PHYHIP: variants seen among roughly 807,000 people sequenced by gnomAD.
PHYHIP encodes phytanoyl-CoA 2-hydroxylase interacting protein, also known as phytanoyl-CoA hydroxylase-interacting protein.
A neutral mutation model predicts 26.1 loss-of-function variants in PHYHIP; 7 were observed. The ratio of observed to expected loss-of-function variants is 0.27; its 90% CI spans 0.15 to 0.50. The LOEUF (loss-of-function observed/expected upper bound fraction) is 0.50, where lower values mean the gene tolerates loss of function less well. PHYHIP is among the 20% of genes least tolerant of loss of function. The pLI is 0.98. For synonymous variants in PHYHIP, 206 were observed against 183.4 expected, an observed-to-expected ratio of 1.12 and a Z score of -1.00; for missense variants, 232 against 454.7, an observed-to-expected ratio of 0.51 and a Z score of 4.45.
intron 1 of PHYHIP, among the ~76,000 whole-genome samples, chr8:22,230,125 C>T (rs1195833511): frequency 1.3e-5 from 2 of 152,154 alleles, no homozygotes; most frequent in African/African-American, 4.8e-5. Context: ...TTCATGGGGA[C>T]AGGTGTGGAG....
chr8:22,227,612 C>G (rs1241945511), intron 2 of PHYHIP: 1 of 456,324 alleles, frequency 2.2e-6, no homozygotes, highest in East Asian at 7.0e-5. Context: ...TCCCACCCAC[C>G]CCCACACTGG....
chr8:22,227,144 CT>C, intron 2 of PHYHIP, 119 bp from the exon 3 acceptor site: 1 of 866,240 alleles, frequency 1.2e-6, no homozygotes, highest in Non-Finnish European at 1.7e-6. Flanking sequence ...CAGGACCAAT[CT>C]TGAGGATCCA....
At position 22,220,115 on chromosome 8, in the gene PHYHIP, CTGA is replaced by C. The variant is rs1829584261; in HGVS notation, c.*1235_*1237del. 1 of 152,474 alleles carries C rather than the reference CTGA, an allele frequency of 6.6e-6. No individual in the cohort carries two copies. The highest frequency in any genetic ancestry group is 1.5e-5 in the Non-Finnish European group (1 of 68,218). The allele number at this position is 152,474 out of a possible 1,614,324, so 9.4% of individuals were successfully genotyped here. A position where few individuals can be genotyped will look rare whatever the true frequency, so the allele number is the denominator to read the frequency against. ...ACTGTGAGGCTGCACTCTCCTCTGC[CTGA>C]TGTCACCTCCATCATCCCCCAAACA... On this transcript the variant is annotated 3_prime_UTR_variant, in exon 5 of 5. Transcript: ENST00000454243.
intron 2 of PHYHIP, 42 bp from the exon 3 acceptor site, chr8:22,227,067 G>A: frequency 6.4e-7 from 1 of 1,556,922 alleles, no homozygotes; most frequent in Non-Finnish European, 8.7e-7. Context: ...CGTCAAACAG[G>A]GGTTCATGCC....
intron 4 of PHYHIP, 21 bp downstream of exon 4, chr8:22,224,205 G>T (rs758896740): frequency 2.8e-6 from 4 of 1,440,492 alleles, no homozygotes; most frequent in Non-Finnish European, 2.9e-6. Context: ...GGCGGGTCCA[G>T]CCGGGAGCCC....
intron 2 of PHYHIP, 113 bp downstream of exon 2, chr8:22,228,080 G>A: frequency 3.6e-6 from 3 of 836,840 alleles, no homozygotes; most frequent in Non-Finnish European, 5.9e-6. Flanking sequence ...AGGAAGAAGA[G>A]TGTGGATTTT....
At chr8:22,226,716 T>C (rs1225815397) in intron 3 of PHYHIP, 135 bp downstream of exon 3, 6 of 788,486 alleles carry the variant, frequency 7.6e-6, no homozygotes, top group Non-Finnish European at 7.7e-6. Context: ...GCATCTCCCC[T>C]GTGGCCCAAG....
chr8:22,230,451 G>T (rs1468993327), intron 1 of PHYHIP, among the ~76,000 whole-genome samples: 1 of 152,022 alleles, frequency 6.6e-6, no homozygotes, highest in East Asian at 1.9e-4. Flanking sequence ...ACATCCCCCC[G>T]CTAGCTTGGG....
chr8:22,225,471 G>A (rs1453596883), intron 3 of PHYHIP, among the ~76,000 whole-genome samples: 1 of 151,774 alleles, frequency 6.6e-6, no homozygotes, highest in African/African-American at 2.4e-5. Context: ...TCCAACCTGG[G>A]CAACAGAGCA....
In PHYHIP at chr8:22,221,343, C is replaced by G. The variant is rs1366875886; in HGVS notation, c.*10G>C. On this transcript the variant is annotated 3_prime_UTR_variant, in exon 5 of 5. Coordinates refer to ENST00000454243, the MANE Select transcript of PHYHIP (RefSeq NM_014759.5). The surrounding 1 kb of genome is among the most constrained non-coding windows in gnomAD (Gnocchi z 7.9). ...CATCTCTCCCTCGCCCCCCAGCTCC[C>G]CAGGAGTCCCTAGCGGCCCACGCTG... 1 of 1,556,740 alleles carries G rather than the reference C, an allele frequency of 6.4e-7. No homozygotes were observed. The highest frequency in any genetic ancestry group is 8.7e-7 in the Non-Finnish European group (1 of 1,147,530).
intron 3 of PHYHIP, 69 bp from the exon 4 acceptor site, chr8:22,224,412 C>A (rs1328457984): frequency 3.5e-6 from 3 of 862,592 alleles, no homozygotes; most frequent in Non-Finnish European, 5.8e-6. Context: ...CCTGTCCCCA[C>A]CCCACCCCAC....
intron 1 of PHYHIP, among the ~76,000 whole-genome samples, chr8:22,229,300 G>T (rs980139384): frequency 6.6e-6 from 1 of 152,206 alleles, no homozygotes; most frequent in East Asian, 1.9e-4. Flanking sequence ...TGTGGGGGTG[G>T]AGGGGCACAT....
chr8:22,224,487 T>G, intron 3 of PHYHIP, 144 bp from the exon 4 acceptor site: 1 of 617,238 alleles, frequency 1.6e-6, no homozygotes, highest in Non-Finnish European at 2.9e-6. Context: ...TCGCAGAACC[T>G]TAAACTCAGA....
chr8:22,227,980 C>T (rs111517167), intron 2 of PHYHIP, among the ~76,000 whole-genome samples: 1,589 of 152,356 alleles, frequency 0.01, 30 homozygotes, highest in East Asian at 0.066. Flanking sequence ...ATCCTCTCCA[C>T]GACCCCGTGA....
At chr8:22,223,992 AG>A in intron 4 of PHYHIP, 1 of 495,786 alleles carries the variant, frequency 2.0e-6, no homozygotes, top group Non-Finnish European at 3.7e-6. Flanking sequence ...CAGGCTCATT[AG>A]TACAACACTC....
Position 22,221,261 on chromosome 8 carries a change from G to T in PHYHIP, c.*92C>A. On this transcript the variant is annotated 3_prime_UTR_variant, in exon 5 of 5. Transcript: ENST00000454243. This position sits in a 1 kb window ranked among gnomAD's most constrained non-coding sequence, Gnocchi z 7.9. ...CTGGGCAGAGTGGAGGGAGCAGGGG[G>T]GCAGGAGAGAGAAAGCCAGCTCCCT... The T allele has an allele frequency of 8.2e-7, 1 of 1,216,906 alleles. No individual in the cohort carries two copies. Among genetic ancestry groups the T allele is most frequent in the Non-Finnish European group, 1.1e-6 (1 of 886,626 alleles). 75.4% of individuals were successfully genotyped at this position (1,216,906 alleles called of 1,614,324 possible).
chr8:22,223,746 CA>C (rs1213424726), intron 4 of PHYHIP: 1 of 154,134 alleles, frequency 6.5e-6, no homozygotes, highest in Non-Finnish European at 1.4e-5. Flanking sequence ...CTGGTCCCCC[CA>C]ACCCCATGGC....
rs1829795328 is a variant in PHYHIP, at chr8:22,228,382, G to A, written c.-25C>T. ...TGCTCCCGTCAGGGTTGTCTCCTGT[G>A]GGGACTGAGGAGGAGGGAAAGGGTC... On this transcript the variant is annotated 5_prime_UTR_variant, in exon 2 of 5. Coordinates refer to ENST00000454243, the MANE Select transcript of PHYHIP (RefSeq NM_014759.5). The A allele has an allele frequency of 5.1e-6, 8 of 1,560,870 alleles. No homozygotes were observed. Among genetic ancestry groups the A allele is most frequent in the Non-Finnish European group, 7.0e-6 (8 of 1,150,504 alleles).
At chr8:22,224,190 G>A in intron 4 of PHYHIP, 36 bp downstream of exon 4, 1 of 1,228,434 alleles carries the variant, frequency 8.1e-7, no homozygotes, top group East Asian at 2.3e-5. Context: ...AGGGAGGAGA[G>A]GCCCGGCGGG....
Sources: allele counts gnomAD v4.1 joint callset (sites outside exome capture counted in the v4.1 genomes callset), GRCh38; gene constraint gnomAD v4.1.1; non-coding constraint Gnocchi (gnomAD v3.1); transcripts MANE v1.5; gene names NCBI Gene and HGNC (gene_info 2026-07-23, HGNC 2026-07-21).